DOCK5: variants seen among roughly 807,000 people sequenced by gnomAD.
DOCK5 encodes the protein dedicator of cytokinesis protein 5.
DOCK5 carries 142 observed loss-of-function variants against 251.8 expected under a neutral mutation model. The observed-to-expected ratio is 0.56, with a 90% CI of 0.49 to 0.65. DOCK5 has a LOEUF of 0.65. Ranked by LOEUF, DOCK5 falls within the 30% of genes least tolerant of loss-of-function variation. DOCK5 has a pLI of 0.00. For missense variants in DOCK5, 2,111 were observed against 2,312.3 expected (o/e 0.91, Z 1.79); for synonymous variants, 842 against 835.5 (o/e 1.01, Z -0.13).
At chr8:25,384,491 G>A (rs1023019904) in intron 40 of DOCK5, among the ~76,000 whole-genome samples, 2 of 136,848 alleles carry the variant, frequency 1.5e-5, no homozygotes, top group East Asian at 2.2e-4. Flanking sequence ...ACAGTGTCTC[G>A]CTCTGTCACC....
chr8:25,268,650 G>T (rs1803826861), intron 2 of DOCK5, among the ~76,000 whole-genome samples, 195 bp from the exon 3 acceptor site: 1 of 152,026 alleles, frequency 6.6e-6, no homozygotes, highest in African/African-American at 2.4e-5. Context: ...GTTATTAAGA[G>T]AATACAGCTC....
chr8:25,343,801 G>GT (rs1350195188), intron 25 of DOCK5, among the ~76,000 whole-genome samples: 2 of 151,974 alleles, frequency 1.3e-5, no homozygotes, highest in South Asian at 2.1e-4. Context: ...TAAAGCAAGC[G>GT]TTTTTTTGTT....
intron 1 of DOCK5, among the ~76,000 whole-genome samples, chr8:25,188,954 C>T (rs942027755): frequency 3.3e-5 from 5 of 151,844 alleles, no homozygotes; most frequent in African/African-American, 1.2e-4. Flanking sequence ...AGTTTGCTTC[C>T]ACACAAGCCA....
intron 21 of DOCK5, among the ~76,000 whole-genome samples, chr8:25,334,728 A>G (rs1008308780): frequency 3.3e-5 from 5 of 150,906 alleles, no homozygotes; most frequent in African/African-American, 4.9e-5. Flanking sequence ...AAAAAAAAAA[A>G]TCGAGCAAAA....
chr8:25,392,992 G>T (rs1259082587), intron 44 of DOCK5, 110 bp downstream of exon 44: 14 of 870,434 alleles, frequency 1.6e-5, no homozygotes, highest in Non-Finnish European at 2.4e-5. Context: ...AGCCTCCTCT[G>T]GCCAACTTTG....
At position 25,323,886 on chromosome 8, in the gene DOCK5, G is replaced by C; in HGVS notation, c.1654G>C (p.Val552Leu). ...GGAGCGAGCATTTGGGGTGGCCTTCGTGAAGCTGATGAACCCGGATGGCAC... is the reference window on the plus strand; with the variant it reads ...GGAGCGAGCATTTGGGGTGGCCTTCCTGAAGCTGATGAACCCGGATGGCAC... ...KSERAFGVAFVKLMNPDGTTL... is the reference protein window; with the variant it reads ...KSERAFGVAFLKLMNPDGTTL... Residue 552 changes from valine (V) to leucine (L), a missense_variant, in exon 17 of 52, where the codon GTG becomes CTG. Physicochemically the swap from Val to Leu is conservative, Grantham distance 32 (BLOSUM62 1). This residue lies in a region of DOCK5 where 1,717 missense variants were observed against 1,892.4 expected (regional missense o/e 0.91). Coordinates refer to ENST00000276440, the MANE Select transcript of DOCK5 (RefSeq NM_024940.8). The C allele has an allele frequency of 6.2e-7, 1 of 1,613,518 alleles. No homozygotes were observed. Among genetic ancestry groups the C allele is most frequent in the Non-Finnish European group, 8.5e-7 (1 of 1,179,730 alleles).
chr8:25,193,461 C>A (rs1321611816), intron 1 of DOCK5, among the ~76,000 whole-genome samples: 1 of 151,022 alleles, frequency 6.6e-6, no homozygotes, highest in African/African-American at 2.4e-5. Context: ...AAATCACCAG[C>A]AAAAAGCACA....
At chr8:25,249,553 G>A (rs1434318450) in intron 2 of DOCK5, among the ~76,000 whole-genome samples, 2 of 152,124 alleles carry the variant, frequency 1.3e-5, no homozygotes, top group Non-Finnish European at 1.5e-5. Context: ...CACATAATAT[G>A]TGGTCTTTTG....
chr8:25,368,094 C>A, intron 31 of DOCK5, 98 bp from the exon 32 acceptor site: 1 of 973,106 alleles, frequency 1.0e-6, no homozygotes, highest in Non-Finnish European at 1.6e-6. Flanking sequence ...TAAGAGTGAC[C>A]AAGAGAGACA....
intron 37 of DOCK5, chr8:25,375,293 GT>G (rs1437427045): frequency 6.3e-6 from 1 of 158,014 alleles, no homozygotes; most frequent in Non-Finnish European, 1.4e-5. Flanking sequence ...CAACCTCATA[GT>G]CATCTTCAAT....
chr8:25,280,513 G>A (rs1007433714), intron 5 of DOCK5, among the ~76,000 whole-genome samples: 4 of 152,142 alleles, frequency 2.6e-5, no homozygotes, highest in African/African-American at 9.7e-5. Context: ...CCCTTTGGTG[G>A]AAAAGCACAT....
chr8:25,400,236 T>C (rs1313950531), intron 46 of DOCK5, among the ~76,000 whole-genome samples: 1 of 152,132 alleles, frequency 6.6e-6, no homozygotes, highest in African/African-American at 2.4e-5. Context: ...CAGTGGCTTA[T>C]GCCTGTAATC....
chr8:25,207,416 AGAG>A (rs376842821), intron 1 of DOCK5, among the ~76,000 whole-genome samples: 44 of 152,306 alleles, frequency 2.9e-4, no homozygotes, highest in African/African-American at 8.4e-4. Context: ...TCATAGCTAG[AGAG>A]GAGAAGTCAG....
intron 48 of DOCK5, among the ~76,000 whole-genome samples, chr8:25,405,292 G>A (rs894791092): frequency 1.3e-5 from 2 of 150,240 alleles, no homozygotes; most frequent in Non-Finnish European, 3.0e-5. Context: ...TTGACTTTTA[G>A]GGTTTCACTA....
intron 2 of DOCK5, among the ~76,000 whole-genome samples, chr8:25,262,844 G>A (rs903319429): frequency 2.0e-5 from 3 of 148,798 alleles, no homozygotes; most frequent in Non-Finnish European, 3.0e-5. Context: ...TTTTGAGACC[G>A]AGTCTGGCTC....
rs181333368 is a variant in DOCK5, at chr8:25,288,915, A to G, written c.322-3109A>G. Among the ~76,000 whole-genome samples the G allele has an allele frequency of 2.6e-3, 400 of 152,372 alleles. 1 individual carries two copies. The highest frequency in any genetic ancestry group is 4.2e-3 in the Non-Finnish European group (284 of 68,034). On this transcript the variant is annotated intron_variant, in intron 5 of 51. Transcript: ENST00000276440. ...AGGCAATTCAGAAAATGCTAAAAGC[A>G]GTAAATGTAGGTAGTTTCAAAATTT...
At chr8:25,389,336 C>A in intron 41 of DOCK5, 104 bp downstream of exon 41, 1 of 1,399,732 alleles carries the variant, frequency 7.1e-7, no homozygotes, top group South Asian at 1.5e-5. Flanking sequence ...TGCAGACACA[C>A]CATCTTCTCA....
Position 25,259,446 on chromosome 8 carries a change from A to T in DOCK5, c.128-9399A>T, listed in dbSNP as rs189157794. Among the ~76,000 whole-genome samples, 475 of 152,146 alleles carry T rather than the reference A, an allele frequency of 3.1e-3. 2 individuals carry two copies. The highest frequency in any genetic ancestry group is 0.01 in the Middle Eastern group (3 of 294). ...TTAACTATGTTTTCTTTCTTTAATT[A>T]ATTTATTTACTTTTTATTTTATGTT... On this transcript the variant is annotated intron_variant, in intron 2 of 51. Transcript: ENST00000276440.
intron 17 of DOCK5, 77 bp from the exon 18 acceptor site, chr8:25,325,287 G>A: frequency 8.8e-6 from 13 of 1,484,458 alleles, no homozygotes; most frequent in Non-Finnish European, 1.2e-5. Flanking sequence ...TGCTGAAAAT[G>A]CATGATAGAA....
Sources: gnomAD v4.1 joint callset for allele counts (sites outside exome capture counted in the v4.1 genomes callset) on GRCh38, gnomAD v4.1.1 for gene constraint, gnomAD v4.1.1 regional missense constraint, MANE v1.5 for transcripts, NCBI Gene and HGNC (gene_info 2026-07-23, HGNC 2026-07-21) for gene names.